HLTF: variants seen among roughly 807,000 people sequenced by gnomAD.
The protein encoded by HLTF is helicase like transcription factor, also known as DNA-dependent ATPase/E3 ubiquitin-protein ligase HLTF.
In HLTF, 127 loss-of-function variants were observed where a neutral mutation model predicts 129.4. That is an observed-to-expected ratio of 0.98 (90% CI 0.85 to 1.14). HLTF has a LOEUF of 1.14. Ranked by LOEUF, HLTF falls within the 50% of genes most tolerant of loss-of-function variation. The pLI is 0.00. For synonymous variants in HLTF, 332 were observed against 388.8 expected, an observed-to-expected ratio of 0.85 and a Z score of 1.72; for missense variants, 1,139 against 1,187.1, an observed-to-expected ratio of 0.96 and a Z score of 0.60.
At position 149,055,303 on chromosome 3, in the gene HLTF, A is replaced by G. The variant is rs1258624350; in HGVS notation, c.1473T>C (p.Ile491=). ...ATTTTTAAAGGGCTTAAAGACTTAC[A>G]ATCCAGTTGCTTAACACAGAAAGCG... ...ICPLSVLSNW[I]DQFGQHIKSD... is the part of the protein sequence containing the mutation. Residue 491 remains isoleucine, a splice_region_variant and synonymous_variant, in exon 14 of 25, where the codon ATT becomes ATC. Coordinates refer to ENST00000310053, the MANE Select transcript of HLTF (RefSeq NM_003071.4). 1.2e-6 allele frequency: 2 copies of G among 1,603,254 alleles called. No individual in the cohort carries two copies. Among genetic ancestry groups the G allele is most frequent in the South Asian group, 1.1e-5 (1 of 90,678 alleles).
chr3:149,064,845 A>G lies in HLTF; in HGVS notation c.1012T>C (p.Ser338Pro). ...GTATTGTTTCCTCCAAGTTTCATAG[A>G]GTCATCGTTAACATTATATTCCTGG... ...LKKEYNVNDD[S>P]MKLGGNNTSE... The change falls in exon 9 of 25, where the codon TCT becomes CCT. Residue 338 changes from serine (S) to proline (P), a missense_variant. Coordinates refer to ENST00000310053, the MANE Select transcript of HLTF (RefSeq NM_003071.4). 2 of 1,595,952 alleles carry G rather than the reference A, an allele frequency of 1.3e-6. No individual in the cohort carries two copies. The highest frequency in any genetic ancestry group is 1.3e-5 in the African/African-American group (1 of 74,614).
chr3:149,047,162 C>G (rs115523058), intron 17 of HLTF, among the ~76,000 whole-genome samples: 4,366 of 152,110 alleles, frequency 0.029, 83 homozygotes, highest in South Asian at 0.071. Context: ...TAATAGCTCT[C>G]AAATCTTCAG....
rs1463846962 is a variant in HLTF, at chr3:149,086,487, C to CCGCGAGTCCAGTCAGACGTCGA, written c.-173_-152dup. ...GAGCGCACGACTGAAAGGTAAGTCG[C>CCGCGAGTCCAGTCAGACGTCGA]CGCGAGTCCAGTCAGACGTCGACGC... On this transcript the variant is annotated 5_prime_UTR_variant, in exon 1 of 25. Transcript: ENST00000310053. The CCGCGAGTCCAGTCAGACGTCGA allele has an allele frequency of 5.0e-4, 403 of 798,210 alleles. 1 individual carries two copies. The highest frequency in any genetic ancestry group is 7.3e-4 in the Non-Finnish European group (362 of 496,470). The allele number at this position is 798,210 out of a possible 1,614,324, so 49.4% of individuals were successfully genotyped here.
chr3:149,061,847 AAAAAG>A (rs1178084283), intron 10 of HLTF, among the ~76,000 whole-genome samples: 16 of 151,906 alleles, frequency 1.1e-4, no homozygotes, highest in African/African-American at 2.7e-4. Context: ...AAAAAAAAAA[AAAAAG>A]AAAAGAAAAG....
chr3:149,075,822 C>G, intron 3 of HLTF, 59 bp downstream of exon 3: 1 of 1,199,378 alleles, frequency 8.3e-7, no homozygotes, highest in Non-Finnish European at 1.2e-6. Context: ...GAAGCCCTAA[C>G]AAGTTCAAAG....
chr3:149,040,845 T>C (rs2107965103), intron 20 of HLTF, among the ~76,000 whole-genome samples: 1 of 152,284 alleles, frequency 6.6e-6, no homozygotes, highest in Non-Finnish European at 1.5e-5. Flanking sequence ...GACTGAGCTA[T>C]TTAATTATGA....
At position 149,075,912 on chromosome 3, in the gene HLTF, T is replaced by C. The variant is rs756768119; in HGVS notation, c.364A>G (p.Ile122Val). The change falls in exon 3 of 25, where the codon ATC becomes GTC. Residue 122 changes from isoleucine (I) to valine (V), a missense_variant. Physicochemically the swap from Ile to Val is conservative, Grantham distance 29. Coordinates refer to ENST00000310053, the MANE Select transcript of HLTF (RefSeq NM_003071.4). ...ATTTGTGCCAATTTGTTGTCCATGATATAGGCCAAAGCACCTGCAAGCTCT... is the reference window on the plus strand; with the variant it reads ...ATTTGTGCCAATTTGTTGTCCATGACATAGGCCAAAGCACCTGCAAGCTCT... ...KKELAGALAY[I>V]MDNKLAQIEG... 16 of 1,608,176 alleles carry C rather than the reference T, an allele frequency of 9.9e-6. No homozygotes were observed. The Admixed American group carries it at 1.7e-4, about 17-fold the overall frequency.
At chr3:149,040,445 AT>A (rs1280354997) in intron 20 of HLTF, among the ~76,000 whole-genome samples, 1 of 151,864 alleles carries the variant, frequency 6.6e-6, no homozygotes, top group African/African-American at 2.4e-5. Context: ...TAAAAAAAAA[AT>A]CTATGAATAA....
At chr3:149,074,019 A>G (rs1259072511) in intron 4 of HLTF, among the ~76,000 whole-genome samples, 196 bp downstream of exon 4, 1 of 152,088 alleles carries the variant, frequency 6.6e-6, no homozygotes, top group East Asian at 1.9e-4. Context: ...CTTACTGTGT[A>G]TATTTTTATG....
At chr3:149,035,531 G>A (rs1446713164) in intron 23 of HLTF, among the ~76,000 whole-genome samples, 1 of 151,568 alleles carries the variant, frequency 6.6e-6, no homozygotes, top group Non-Finnish European at 1.5e-5. Flanking sequence ...GGTGGCGGGC[G>A]CCTGTAGTCC....
intron 2 of HLTF, among the ~76,000 whole-genome samples, chr3:149,077,615 G>A (rs1719491420): frequency 6.6e-6 from 1 of 151,240 alleles, no homozygotes; most frequent in Non-Finnish European, 1.5e-5. Context: ...TGTCTGTGAG[G>A]GCTTTGAAAA....
intron 18 of HLTF, among the ~76,000 whole-genome samples, chr3:149,042,901 A>G (rs531366467): frequency 6.6e-6 from 1 of 152,160 alleles, no homozygotes; most frequent in East Asian, 1.9e-4. Context: ...TCCCTTTTGT[A>G]TATCTGGACT....
At chr3:149,079,616 G>C (rs1246585868) in intron 2 of HLTF, among the ~76,000 whole-genome samples, 1 of 151,964 alleles carries the variant, frequency 6.6e-6, no homozygotes, top group East Asian at 1.9e-4. Flanking sequence ...GTTTTTTTGA[G>C]ACAGAGTCTT....
chr3:149,068,352 A>T lies in HLTF; in HGVS notation c.895-17T>A, dbSNP rs1171876484. 3 of 1,226,256 alleles carry T rather than the reference A, an allele frequency of 2.4e-6. No individual in the cohort carries two copies. The highest frequency in any genetic ancestry group is 3.5e-6 in the Non-Finnish European group (3 of 851,806). 76.0% of individuals were successfully genotyped at this position (1,226,256 alleles called of 1,614,324 possible). ...AGTTTTACCCTTAAAAATGTTTTAA[A>T]AAGATAAATGGTCAGATTGTGAAAC... is the stretch of plus-strand genomic sequence containing the variant. On this transcript the variant is annotated splice_polypyrimidine_tract_variant and intron_variant, in intron 7 of 24. Coordinates refer to ENST00000310053, the MANE Select transcript of HLTF (RefSeq NM_003071.4).
In HLTF at chr3:149,074,797, T is replaced by C. The variant is rs191833930; in HGVS notation, c.396-449A>G. ...AAGGAGAAAACAAAGTGAGACATTATGAGCATTTATTTTCTCTTCAAACTC... is the reference window on the plus strand; with the variant it reads ...AAGGAGAAAACAAAGTGAGACATTACGAGCATTTATTTTCTCTTCAAACTC... On this transcript the variant is annotated intron_variant, in intron 3 of 24. Transcript: ENST00000310053. Among the ~76,000 whole-genome samples the C allele has an allele frequency of 4.5e-3, 685 of 152,282 alleles. 5 individuals carry two copies. The highest frequency in any genetic ancestry group is 0.026 in the South Asian group (126 of 4,822).
At position 149,032,323 on chromosome 3, in the gene HLTF, T is replaced by C. The variant is rs1715140838; in HGVS notation, c.2927A>G (p.Lys976Arg). 1 of 1,595,866 alleles carries C rather than the reference T, an allele frequency of 6.3e-7. No homozygotes were observed. The highest frequency in any genetic ancestry group is 8.5e-7 in the Non-Finnish European group (1 of 1,171,562). The change falls in exon 25 of 25, where the codon AAA (lysine) becomes AGA (arginine). Residue 976 changes from lysine (K) to arginine (R), a missense_variant. By Grantham distance (26) the Lys-to-Arg change is conservative. Transcript: ENST00000310053. ...VEENMLKIQN[K>R]KRELAAGAFG... ...GGCTCCTGCTGCAAGTTCTCTCTTT[T>C]TGTTTTGTATTTTCAGCATATTTTC...
At chr3:149,068,124 A>C (rs1442954570) in intron 8 of HLTF, 116 bp downstream of exon 8, 2 of 578,048 alleles carry the variant, frequency 3.5e-6, no homozygotes, top group Non-Finnish European at 6.2e-6. Flanking sequence ...AGACAGAGAG[A>C]CCATTCATCG....
At chr3:149,044,535 T>C (rs1355286900) in intron 18 of HLTF, among the ~76,000 whole-genome samples, 1 of 152,134 alleles carries the variant, frequency 6.6e-6, no homozygotes, top group African/African-American at 2.4e-5. Flanking sequence ...CTTGGTGATC[T>C]CATGGCTTTA....
At chr3:149,043,288 A>G (rs187273089) in intron 18 of HLTF, among the ~76,000 whole-genome samples, 1 of 152,000 alleles carries the variant, frequency 6.6e-6, no homozygotes, top group Admixed American at 6.6e-5. Context: ...AAAAACATAG[A>G]AAAGGATGTA....
Sources: gnomAD v4.1 joint callset for allele counts (sites outside exome capture counted in the v4.1 genomes callset) on GRCh38, gnomAD v4.1.1 for gene constraint, MANE v1.5 for transcripts, NCBI Gene and HGNC (gene_info 2026-07-23, HGNC 2026-07-21) for gene names.